The following UBE2L3 variants were observed in gnomAD, a reference collection of about 807,000 sequenced individuals.
The protein encoded by UBE2L3 is ubiquitin conjugating enzyme E2 L3, also known as ubiquitin-conjugating enzyme E2 L3.
A neutral mutation model predicts 17.8 loss-of-function variants in UBE2L3; 1 was observed. The ratio of observed to expected loss-of-function variants is 0.06; its 90% CI spans 0.02 to 0.27. The LOEUF (loss-of-function observed/expected upper bound fraction) is 0.27, where lower values mean the gene tolerates loss of function less well. UBE2L3 is among the 10% of genes least tolerant of loss of function. The pLI is 1.00. For synonymous variants in UBE2L3, 44 were observed against 68.5 expected (o/e 0.64, Z 1.76); for missense variants, 40 against 192.6 (o/e 0.21, Z 4.69).
chr22:21,570,660 T>C (rs1926915871), intron 1 of UBE2L3, among the ~76,000 whole-genome samples: 1 of 152,218 alleles, frequency 6.6e-6, no homozygotes, highest in Admixed American at 6.6e-5. Flanking sequence ...ACACCAGTTA[T>C]GTAATGCTGA....
At chr22:21,608,806 T>C (rs1929316954) in intron 2 of UBE2L3, among the ~76,000 whole-genome samples, 1 of 140,192 alleles carries the variant, frequency 7.1e-6, no homozygotes, top group Admixed American at 7.9e-5. Context: ...GGTCTTGAAC[T>C]CCCGGCCTCA....
chr22:21,578,098 C>T (rs1284454974), intron 1 of UBE2L3, among the ~76,000 whole-genome samples: 2 of 152,062 alleles, frequency 1.3e-5, no homozygotes, highest in Non-Finnish European at 2.9e-5. Context: ...TGGCTCAGGC[C>T]TGTAATCTCA....
At chr22:21,610,706 G>A in intron 2 of UBE2L3, 151 bp from the exon 3 acceptor site, 1 of 790,748 alleles carries the variant, frequency 1.3e-6, no homozygotes, top group Non-Finnish European at 1.9e-6. Flanking sequence ...ACTTTTGGGT[G>A]GCTGGGTTGT....
chr22:21,584,086 G>T (rs1016934956), intron 1 of UBE2L3, among the ~76,000 whole-genome samples: 2 of 151,996 alleles, frequency 1.3e-5, no homozygotes, highest in African/African-American at 4.8e-5. Context: ...TGTTGGTCAG[G>T]CTGGTCTCGA....
chr22:21,599,389 T>C (rs1490820896), intron 2 of UBE2L3, among the ~76,000 whole-genome samples: 1 of 152,114 alleles, frequency 6.6e-6, no homozygotes, highest in Non-Finnish European at 1.5e-5. Context: ...ACTGGAGTTG[T>C]TTTGGGGAGA....
intron 1 of UBE2L3, among the ~76,000 whole-genome samples, chr22:21,571,448 G>A (rs952817816): frequency 6.6e-6 from 1 of 152,050 alleles, no homozygotes; most frequent in African/African-American, 2.4e-5. Flanking sequence ...CACTCTTGTT[G>A]CCCAGGCTTC....
At chr22:21,589,990 G>A (rs1439980390) in intron 1 of UBE2L3, among the ~76,000 whole-genome samples, 1 of 151,962 alleles carries the variant, frequency 6.6e-6, no homozygotes. Flanking sequence ...CTTTGTCTGT[G>A]GATCCCCTGG....
intron 3 of UBE2L3, among the ~76,000 whole-genome samples, chr22:21,619,799 C>G (rs1929961986): frequency 1.3e-5 from 2 of 152,210 alleles, no homozygotes; most frequent in African/African-American, 4.8e-5. Context: ...TCAAGCGATT[C>G]TCCTGCCTCA....
rs1280035616 is a variant in UBE2L3, at chr22:21,552,810, G to A, written c.201+3160G>A. ...GCAATCTCTGCTCACTGCAAGCTCC[G>A]CCTCCTGAGTTCACGCCATTCTCCT... On this transcript the variant is annotated intron_variant, in intron 1 of 3. Transcript: ENST00000458578. Among the ~76,000 whole-genome samples the A allele has an allele frequency of 4.5e-4, 50 of 111,884 alleles. No homozygotes were observed. The East Asian group carries it at 9.6e-3, about 21-fold the overall frequency. The allele number at this position is 111,884 out of a possible 152,430, so 73.4% of individuals were successfully genotyped here.
At chr22:21,607,152 T>G (rs2148438092) in intron 2 of UBE2L3, among the ~76,000 whole-genome samples, 1 of 152,276 alleles carries the variant, frequency 6.6e-6, no homozygotes, top group Admixed American at 6.5e-5. Context: ...GAGCTCTGTT[T>G]ACTGGAGTGC....
intron 1 of UBE2L3, among the ~76,000 whole-genome samples, chr22:21,569,395 CAAA>C (rs541227444): frequency 5.0e-4 from 43 of 86,168 alleles, no homozygotes; most frequent in African/African-American, 7.6e-4. Flanking sequence ...GACTCCATGT[CAAA>C]AAAAAAAAAA....
At chr22:21,575,326 T>C (rs1927210688) in intron 1 of UBE2L3, among the ~76,000 whole-genome samples, 1 of 142,198 alleles carries the variant, frequency 7.0e-6, no homozygotes, top group Admixed American at 7.2e-5. Context: ...GTGGCTCATA[T>C]CCGAATCCCA....
chr22:21,568,205 C>G (rs1287433962), intron 1 of UBE2L3: 5 of 992,022 alleles, frequency 5.0e-6, no homozygotes, highest in Non-Finnish European at 6.0e-6. Context: ...CGCAGCGCGC[C>G]GGGCTTGCAG....
rs1930059732 is a variant in UBE2L3 at position 21,622,061 on chromosome 22, GTTTA to G, written c.*396_*399del. 1 of 184,814 alleles carries G rather than the reference GTTTA, an allele frequency of 5.4e-6. No homozygotes were observed. The highest frequency in any genetic ancestry group is 6.4e-5 in the Admixed American group (1 of 15,544). The allele number at this position is 184,814 out of a possible 1,614,324, so 11.4% of individuals were successfully genotyped here. A position where few individuals can be genotyped will look rare whatever the true frequency, so the allele number is the denominator to read the frequency against. On this transcript the variant is annotated 3_prime_UTR_variant, in exon 4 of 4. Coordinates refer to ENST00000342192, the MANE Select transcript of UBE2L3 (RefSeq NM_003347.4). ...TGCCACTCCCACTTTCTGGCACCGA[GTTTA>G]TTTTTCACTTACTTACTTCCCCAGA...
chr22:21,577,640 G>T (rs1032681494), intron 1 of UBE2L3, among the ~76,000 whole-genome samples: 1 of 152,218 alleles, frequency 6.6e-6, no homozygotes, highest in African/African-American at 2.4e-5. Flanking sequence ...CTGCTTTTTA[G>T]ATGGTTGCTT....
At chr22:21,558,962 C>G (rs1926336790) in intron 1 of UBE2L3, among the ~76,000 whole-genome samples, 1 of 151,812 alleles carries the variant, frequency 6.6e-6, no homozygotes, top group Non-Finnish European at 1.5e-5. Flanking sequence ...AGTCCATGAT[C>G]TATGAGAATG....
chr22:21,618,505 C>T (rs1471384668), intron 3 of UBE2L3, among the ~76,000 whole-genome samples: 1 of 151,516 alleles, frequency 6.6e-6, no homozygotes, highest in African/African-American at 2.4e-5. Context: ...GCGGAGCTTG[C>T]AGTGAGCCGA....
chr22:21,606,303 CGTGTGTGTGGTATGTGTGT>C (rs1459299153), intron 2 of UBE2L3, among the ~76,000 whole-genome samples: 35 of 132,902 alleles, frequency 2.6e-4, no homozygotes, highest in African/African-American at 8.5e-4. Flanking sequence ...TGCGCGCGCG[CGTGTGTGTGGTATGTGTGT>C]GTGTGTGTGG....
chr22:21,561,090 C>T (rs1207098621), intron 1 of UBE2L3, among the ~76,000 whole-genome samples: 1 of 152,212 alleles, frequency 6.6e-6, no homozygotes. Flanking sequence ...TTATCTAAGC[C>T]CCCTCAGGAC....
Sources: gnomAD v4.1 joint callset for allele counts (sites outside exome capture counted in the v4.1 genomes callset) on GRCh38, gnomAD v4.1.1 for gene constraint, MANE v1.5 for transcripts, NCBI Gene and HGNC (gene_info 2026-07-23, HGNC 2026-07-21) for gene names.